The following LINGO2 variants were observed in gnomAD, a reference collection of about 807,000 sequenced individuals.
LINGO2 encodes leucine rich repeat and Ig domain containing 2, also known as leucine-rich repeat and immunoglobulin-like domain-containing nogo receptor-interacting protein 2.
A neutral mutation model predicts 30.6 loss-of-function variants in LINGO2; 14 were observed. That is an observed-to-expected ratio of 0.46 (90% CI 0.30 to 0.72). LINGO2 has a LOEUF of 0.72. LINGO2 is among the 30% of genes least tolerant of loss of function. The pLI is 0.07. For synonymous variants in LINGO2, 317 were observed against 288.5 expected (o/e 1.10, Z -1.00); for missense variants, 729 against 751.7 (o/e 0.97, Z 0.35).
At position 28,223,024 on chromosome 9, in the gene LINGO2, C is replaced by T. The variant is rs865867884; in HGVS notation, c.-87+72184G>A. On this transcript the variant is annotated intron_variant, in intron 4 of 5. Transcript: ENST00000379992. ...CATGACTTGAAAAGGAGAAGAATCACCTGAAAAGGAGAATAGAAAATAAAC... is the reference window on the plus strand; with the variant it reads ...CATGACTTGAAAAGGAGAAGAATCATCTGAAAAGGAGAATAGAAAATAAAC... 7.9e-5 allele frequency among the ~76,000 whole-genome samples: 12 copies of T among 152,162 alleles called. No homozygotes were observed. In the South Asian group the frequency reaches 2.1e-3, roughly 26 times the overall value.
intron 2 of LINGO2, among the ~76,000 whole-genome samples, chr9:28,436,685 C>T (rs992311926): frequency 6.6e-6 from 1 of 152,078 alleles, no homozygotes; most frequent in East Asian, 1.9e-4. Context: ...TCTCGATCTC[C>T]TGACCTCGTG....
chr9:29,176,021 G>A, the LINGO2 span, among the ~76,000 whole-genome samples: 7 of 148,654 alleles, frequency 4.7e-5, no homozygotes, highest in African/African-American at 1.7e-4. Flanking sequence ...GGCTCAGGCT[G>A]GCACCAAGTC....
At chr9:29,009,776 A>G in the LINGO2 span, among the ~76,000 whole-genome samples, 1 of 152,168 alleles carries the variant, frequency 6.6e-6, no homozygotes, top group South Asian at 2.1e-4. Flanking sequence ...CTGACTTCAA[A>G]CTATACTACA....
At chr9:28,291,482 C>T (rs1482896446) in intron 4 of LINGO2, among the ~76,000 whole-genome samples, 1 of 152,164 alleles carries the variant, frequency 6.6e-6, no homozygotes, top group Non-Finnish European at 1.5e-5. Context: ...GGATAAAATG[C>T]TCTGCCCGTA....
chr9:27,983,935 G>C (rs1821003920), intron 5 of LINGO2, among the ~76,000 whole-genome samples: 1 of 151,828 alleles, frequency 6.6e-6, no homozygotes, highest in Admixed American at 6.6e-5. Flanking sequence ...CTCCAAGATG[G>C]GCGTGGTCTT....
At chr9:28,310,971 G>A (rs1173504561) in intron 3 of LINGO2, among the ~76,000 whole-genome samples, 1 of 152,050 alleles carries the variant, frequency 6.6e-6, no homozygotes, top group East Asian at 1.9e-4. Flanking sequence ...TACTAATATT[G>A]GGGGAAATTC....
intron 2 of LINGO2, among the ~76,000 whole-genome samples, chr9:28,436,808 T>A (rs1823961494): frequency 6.6e-6 from 1 of 152,042 alleles, no homozygotes; most frequent in Admixed American, 6.6e-5. Flanking sequence ...GAAGAAGAGA[T>A]AAGGCAGTAC....
chr9:28,109,464 T>C (rs1826704771), intron 4 of LINGO2, among the ~76,000 whole-genome samples: 1 of 152,178 alleles, frequency 6.6e-6, no homozygotes, highest in African/African-American at 2.4e-5. Flanking sequence ...TGTCTCTGTT[T>C]GCAGTTGACA....
chr9:28,480,292 G>T (rs1825912081), intron 1 of LINGO2, among the ~76,000 whole-genome samples: 1 of 151,774 alleles, frequency 6.6e-6, no homozygotes, highest in Non-Finnish European at 1.5e-5. Context: ...TTGCACATAT[G>T]TTCAAATGCT....
intron 2 of LINGO2, among the ~76,000 whole-genome samples, chr9:28,458,166 C>A (rs1166499182): frequency 6.6e-6 from 1 of 152,136 alleles, no homozygotes; most frequent in Non-Finnish European, 1.5e-5. Context: ...ACAACATGAG[C>A]CACATGTCAT....
chr9:28,166,346 T>C (rs1828426001), intron 4 of LINGO2, among the ~76,000 whole-genome samples: 1 of 152,206 alleles, frequency 6.6e-6, no homozygotes, highest in South Asian at 2.1e-4. Flanking sequence ...CCGGTGCTAC[T>C]TACCAGCACT....
At chr9:28,640,654 C>T (rs1050590842) in intron 1 of LINGO2, among the ~76,000 whole-genome samples, 7 of 151,894 alleles carry the variant, frequency 4.6e-5, no homozygotes, top group African/African-American at 7.3e-5. Flanking sequence ...ACGTAGTTCT[C>T]GTGCCATGGT....
intron 5 of LINGO2, among the ~76,000 whole-genome samples, chr9:27,970,411 T>C (rs1038562722): frequency 6.6e-6 from 1 of 152,220 alleles, no homozygotes; most frequent in African/African-American, 2.4e-5. Flanking sequence ...TATCTTTCTT[T>C]GTTCCTAATT....
chr9:28,159,018 A>G (rs1264208422), intron 4 of LINGO2, among the ~76,000 whole-genome samples: 1 of 152,190 alleles, frequency 6.6e-6, no homozygotes, highest in Non-Finnish European at 1.5e-5. Flanking sequence ...AGTTACACAC[A>G]GACCTGTATA....
intron 5 of LINGO2, among the ~76,000 whole-genome samples, chr9:27,977,945 G>A (rs1043585341): frequency 5.3e-5 from 8 of 152,124 alleles, no homozygotes; most frequent in African/African-American, 1.9e-4. Context: ...CCAGATTCTG[G>A]CTCTGCAAAC....
At chr9:28,512,408 C>A (rs1235272281) in intron 1 of LINGO2, among the ~76,000 whole-genome samples, 1 of 151,510 alleles carries the variant, frequency 6.6e-6, no homozygotes, top group African/African-American at 2.4e-5. Flanking sequence ...CAAACAGCAT[C>A]CCTATCTGCC....
intron 4 of LINGO2, among the ~76,000 whole-genome samples, chr9:28,262,170 TG>T (rs1822586363): frequency 6.6e-6 from 1 of 151,936 alleles, no homozygotes. Context: ...GATGTTGTAA[TG>T]GTACTTACTT....
chr9:28,547,729 G>A (rs1365995730), intron 1 of LINGO2, among the ~76,000 whole-genome samples: 1 of 152,050 alleles, frequency 6.6e-6, no homozygotes, highest in Non-Finnish European at 1.5e-5. Flanking sequence ...TAATAAAAAG[G>A]AAAGGAGTAG....
the LINGO2 span, among the ~76,000 whole-genome samples, chr9:28,848,577 C>A: frequency 6.6e-6 from 1 of 150,442 alleles, no homozygotes; most frequent in Admixed American, 6.7e-5. Context: ...AACAAAATGA[C>A]TCATCTCAAC....
Sources: gnomAD v4.1 joint callset for allele counts (sites outside exome capture counted in the v4.1 genomes callset) on GRCh38, gnomAD v4.1.1 for gene constraint, MANE v1.5 for transcripts, NCBI Gene and HGNC (gene_info 2026-07-23, HGNC 2026-07-21) for gene names.